TRPC7: variants seen among roughly 807,000 people sequenced by gnomAD.
The protein encoded by TRPC7 is short transient receptor potential channel 7.
Under a neutral mutation model 90.1 loss-of-function variants are expected in TRPC7, and 42 were observed. That is an observed-to-expected ratio of 0.47 (90% CI 0.36 to 0.60). The LOEUF is 0.60. Among genes scored for constraint, TRPC7 ranks in the 20% least tolerant of loss-of-function variants. TRPC7 has a pLI of 0.00. For synonymous variants in TRPC7, 451 were observed against 436.3 expected (o/e 1.03, Z -0.42); for missense variants, 955 against 1,112.3 (o/e 0.86, Z 2.01).
chr5:136,231,316 AT>A, intron 8 of TRPC7, 37 bp downstream of exon 8: 1 of 1,532,664 alleles, frequency 6.5e-7, no homozygotes, highest in Non-Finnish European at 8.8e-7. Context: ...TGTAAATTAG[AT>A]GAAGGAGAGC....
At chr5:136,250,383 C>A (rs1187330241) in intron 6 of TRPC7, among the ~76,000 whole-genome samples, 2 of 152,178 alleles carry the variant, frequency 1.3e-5, no homozygotes, top group Non-Finnish European at 2.9e-5. Flanking sequence ...TCTGTGGTCC[C>A]GGAGCCATCT....
intron 10 of TRPC7, among the ~76,000 whole-genome samples, chr5:136,216,610 G>T (rs1337187319): frequency 1.3e-5 from 2 of 152,266 alleles, no homozygotes; most frequent in African/African-American, 4.8e-5. Flanking sequence ...CCTTGGCCTG[G>T]CTCTGCCCTG....
chr5:136,306,470 C>T (rs1193260533), intron 3 of TRPC7, among the ~76,000 whole-genome samples: 2 of 152,114 alleles, frequency 1.3e-5, no homozygotes, highest in Non-Finnish European at 2.9e-5. Context: ...AGAAACATCG[C>T]CCATTCTCTC....
chr5:136,216,037 G>A (rs1755255635), intron 11 of TRPC7, among the ~76,000 whole-genome samples, 163 bp downstream of exon 11: 1 of 152,094 alleles, frequency 6.6e-6, no homozygotes, highest in Non-Finnish European at 1.5e-5. Flanking sequence ...CAGCCCCGTG[G>A]AAATGCACTC....
At chr5:136,234,305 C>A (rs1396649861) in intron 7 of TRPC7, among the ~76,000 whole-genome samples, 1 of 151,658 alleles carries the variant, frequency 6.6e-6, no homozygotes, top group African/African-American at 2.4e-5. Flanking sequence ...CTATACATTT[C>A]TTTTCTTTTT....
intron 3 of TRPC7, among the ~76,000 whole-genome samples, chr5:136,305,236 C>G (rs1419480054): frequency 6.6e-6 from 1 of 152,086 alleles, no homozygotes; most frequent in Non-Finnish European, 1.5e-5. Context: ...GATATTCACC[C>G]CATTTCCCCA....
At chr5:136,355,351 G>T (rs961085550) in intron 2 of TRPC7, among the ~76,000 whole-genome samples, 5 of 152,130 alleles carry the variant, frequency 3.3e-5, no homozygotes, top group East Asian at 3.9e-4. Flanking sequence ...AAATGGTTTC[G>T]CTATTTACTA....
chr5:136,220,446 T>C (rs1045151077), intron 10 of TRPC7, among the ~76,000 whole-genome samples: 1 of 152,204 alleles, frequency 6.6e-6, no homozygotes, highest in Admixed American at 6.5e-5. Flanking sequence ...GTCTGTCTTA[T>C]GAGGTTGAGA....
chr5:136,259,723 A>T (rs1408311016), intron 5 of TRPC7, among the ~76,000 whole-genome samples: 1 of 152,194 alleles, frequency 6.6e-6, no homozygotes, highest in Non-Finnish European at 1.5e-5. Context: ...GTATGTGTGG[A>T]TGTTAGAGAT....
intron 2 of TRPC7, among the ~76,000 whole-genome samples, chr5:136,338,548 C>A (rs564437221): frequency 6.6e-6 from 1 of 152,296 alleles, no homozygotes; most frequent in African/African-American, 2.4e-5. Context: ...TGAAAGAAAG[C>A]CCAAGCCAGA....
intron 7 of TRPC7, among the ~76,000 whole-genome samples, chr5:136,237,702 G>A (rs1200688433): frequency 1.3e-5 from 2 of 152,192 alleles, no homozygotes; most frequent in African/African-American, 4.8e-5. Flanking sequence ...GATTGAATGA[G>A]TTAATGGAAT....
intron 2 of TRPC7, among the ~76,000 whole-genome samples, chr5:136,323,765 C>A (rs76367060): frequency 0.048 from 7,305 of 152,252 alleles, 243 homozygotes; most frequent in Non-Finnish European, 0.077. Flanking sequence ...TACTTTGAGT[C>A]CTCCAGCTTT....
At chr5:136,244,743 C>A (rs1194931946) in intron 7 of TRPC7, among the ~76,000 whole-genome samples, 1 of 152,150 alleles carries the variant, frequency 6.6e-6, no homozygotes, top group Admixed American at 6.5e-5. Context: ...AGATCTAGAG[C>A]AAATTTGCTT....
At chr5:136,291,782 C>T (rs1025622160) in intron 3 of TRPC7, among the ~76,000 whole-genome samples, 14 of 152,172 alleles carry the variant, frequency 9.2e-5, no homozygotes, top group African/African-American at 3.1e-4. Flanking sequence ...CAGCTCTGCA[C>T]CAAGAGGACC....
At chr5:136,233,009 G>C (rs1416268916) in intron 7 of TRPC7, among the ~76,000 whole-genome samples, 3 of 152,058 alleles carry the variant, frequency 2.0e-5, no homozygotes, top group Non-Finnish European at 2.9e-5. Flanking sequence ...TCGTCACTTG[G>C]GCTAAAAATC....
chr5:136,306,112 G>C (rs112607996), intron 3 of TRPC7, among the ~76,000 whole-genome samples: 1 of 151,834 alleles, frequency 6.6e-6, no homozygotes, highest in African/African-American at 2.4e-5. Flanking sequence ...TTACACTGCC[G>C]GTTTACACTG....
intron 2 of TRPC7, among the ~76,000 whole-genome samples, chr5:136,325,525 C>T (rs575130202): frequency 2.2e-4 from 33 of 152,180 alleles, no homozygotes; most frequent in South Asian, 1.5e-3. Flanking sequence ...TAGGTAGATA[C>T]GCTGATCATT....
chr5:136,302,818 T>C (rs1758446623), intron 3 of TRPC7, among the ~76,000 whole-genome samples: 1 of 152,164 alleles, frequency 6.6e-6, no homozygotes, highest in Admixed American at 6.5e-5. Flanking sequence ...GGCATTCTTT[T>C]ACACATCAGT....
chr5:136,326,400 A>G (rs1033079934), intron 2 of TRPC7, among the ~76,000 whole-genome samples: 2 of 152,184 alleles, frequency 1.3e-5, no homozygotes, highest in African/African-American at 4.8e-5. Context: ...TGAGGATGCT[A>G]TTCGGTGGGT....
Sources: gnomAD v4.1 joint callset for allele counts (sites outside exome capture counted in the v4.1 genomes callset) on GRCh38, gnomAD v4.1.1 for gene constraint, MANE v1.5 for transcripts, NCBI Gene and HGNC (gene_info 2026-07-23, HGNC 2026-07-21) for gene names.